The following DPH6 variants were observed in gnomAD, a reference collection of about 807,000 sequenced individuals.
The protein encoded by DPH6 is diphthamine biosynthesis 6, also known as diphthine--ammonia ligase.
DPH6 carries 33 observed loss-of-function variants against 38.2 expected under a neutral mutation model. That is an observed-to-expected ratio of 0.86 (90% CI 0.65 to 1.15). The LOEUF is 1.15. Ranked by LOEUF, DPH6 falls within the 50% of genes most tolerant of loss-of-function variation. The pLI is 0.00. For synonymous variants in DPH6, 108 were observed against 103.0 expected, an observed-to-expected ratio of 1.05 and a Z score of -0.30; for missense variants, 325 against 320.0, an observed-to-expected ratio of 1.02 and a Z score of -0.12.
intron 3 of DPH6, among the ~76,000 whole-genome samples, chr15:35,494,742 G>T (rs2054526576): frequency 1.3e-5 from 2 of 151,078 alleles, no homozygotes; most frequent in South Asian, 2.1e-4. Flanking sequence ...TTTCTCCATG[G>T]TTAACACTTA....
downstream of DPH6, among the ~76,000 whole-genome samples, chr15:35,330,290 A>C (rs1006591529): frequency 6.6e-6 from 1 of 152,202 alleles, no homozygotes; most frequent in Non-Finnish European, 1.5e-5. Context: ...AAGCCTACTC[A>C]TGCAGACGCT....
chr15:35,435,421 A>C (rs1190390911), intron 5 of DPH6, among the ~76,000 whole-genome samples: 2 of 152,246 alleles, frequency 1.3e-5, no homozygotes, highest in Non-Finnish European at 2.9e-5. Context: ...GAGGCAGAAA[A>C]GGGAACCTGC....
chr15:35,299,228 C>G (rs1595466892), intron 3 of DPH6: 2 of 1,204,628 alleles, frequency 1.7e-6, no homozygotes, highest in Non-Finnish European at 1.2e-6. Context: ...CTGGCACATG[C>G]GGTGGTGTGT....
chr15:35,516,018 A>G (rs1430850569), intron 3 of DPH6, among the ~76,000 whole-genome samples: 1 of 152,206 alleles, frequency 6.6e-6, no homozygotes, highest in Non-Finnish European at 1.5e-5. Flanking sequence ...TAAGCCCTGG[A>G]AAATATTTAA....
chr15:35,499,825 G>A (rs2054603244), intron 3 of DPH6, among the ~76,000 whole-genome samples: 1 of 152,182 alleles, frequency 6.6e-6, no homozygotes, highest in Non-Finnish European at 1.5e-5. Flanking sequence ...TATCATGCTG[G>A]CAAGCTTCCC....
chr15:35,341,458 T>C (rs998178749), intron 3 of DPH6, among the ~76,000 whole-genome samples: 4 of 152,224 alleles, frequency 2.6e-5, no homozygotes, highest in African/African-American at 9.6e-5. Flanking sequence ...CTGGCATTTT[T>C]AGTTTTCAGT....
At chr15:35,505,724 G>A (rs1171095528) in intron 3 of DPH6, among the ~76,000 whole-genome samples, 1 of 151,994 alleles carries the variant, frequency 6.6e-6, no homozygotes, top group Non-Finnish European at 1.5e-5. Flanking sequence ...GAACACAAAA[G>A]CAACATTAAT....
intron 5 of DPH6, among the ~76,000 whole-genome samples, chr15:35,446,726 G>C (rs2053858854): frequency 6.6e-6 from 1 of 152,054 alleles, no homozygotes; most frequent in Non-Finnish European, 1.5e-5. Flanking sequence ...CAGGGGGTTG[G>C]TGCTCCTAAC....
intron 3 of DPH6, among the ~76,000 whole-genome samples, chr15:35,354,642 T>C (rs949062945): frequency 6.6e-6 from 1 of 152,188 alleles, no homozygotes; most frequent in Non-Finnish European, 1.5e-5. Flanking sequence ...CACTTGATCA[T>C]GGTGGATAAG....
chr15:35,301,589 A>G (rs923679877), intron 3 of DPH6, among the ~76,000 whole-genome samples: 1 of 152,238 alleles, frequency 6.6e-6, no homozygotes, highest in Non-Finnish European at 1.5e-5. Flanking sequence ...ATTAGGTCTT[A>G]TATTAGGGCT....
chr15:35,397,994 C>G (rs2053168291), intron 6 of DPH6, among the ~76,000 whole-genome samples: 1 of 151,790 alleles, frequency 6.6e-6, no homozygotes, highest in Admixed American at 6.6e-5. Context: ...TCCTTCAAGA[C>G]AGGAGAATGG....
At chr15:35,353,855 A>G (rs1243007794) in intron 3 of DPH6, among the ~76,000 whole-genome samples, 1 of 152,180 alleles carries the variant, frequency 6.6e-6, no homozygotes, top group African/African-American at 2.4e-5. Flanking sequence ...CATTGAATCT[A>G]TAAATTACCT....
At chr15:35,505,545 C>T (rs2054683037) in intron 3 of DPH6, among the ~76,000 whole-genome samples, 1 of 152,026 alleles carries the variant, frequency 6.6e-6, no homozygotes, top group Non-Finnish European at 1.5e-5. Context: ...CTCATATCAA[C>T]ATTCTCTGGT....
rs2051688492 is a variant in DPH6 at position 35,253,575 on chromosome 15, AT to A, written n.201-32994del. On this transcript the variant is annotated intron_variant and non_coding_transcript_variant, in intron 3 of 3. Coordinates refer to the DPH6 transcript ENST00000560386. ...GCTATGGGGAACAGATTTGATCGAC[AT>A]TTGATGGTTTCAAAACTCTAAGTAA... Among the ~76,000 whole-genome samples, 3 of 152,344 alleles carry A rather than the reference AT, an allele frequency of 2.0e-5. No homozygotes were observed. In the South Asian group the frequency reaches 6.2e-4, roughly 32 times the overall value.
chr15:35,289,963 G>T (rs2051969227), intron 3 of DPH6, among the ~76,000 whole-genome samples: 1 of 152,088 alleles, frequency 6.6e-6, no homozygotes, highest in Non-Finnish European at 1.5e-5. Flanking sequence ...CTATATTGTA[G>T]GCTCTTTTGG....
chr15:35,229,181 A>C (rs925015152), intron 3 of DPH6, among the ~76,000 whole-genome samples: 3 of 152,008 alleles, frequency 2.0e-5, no homozygotes, highest in Non-Finnish European at 4.4e-5. Context: ...AATTACTCTT[A>C]AATTTGCTGT....
chr15:35,289,600 G>C (rs1213416819), intron 3 of DPH6, among the ~76,000 whole-genome samples: 9 of 152,164 alleles, frequency 5.9e-5, no homozygotes, highest in Admixed American at 3.3e-4. Context: ...AATTGTCATA[G>C]GAATGAGGCA....
chr15:35,381,155 T>C (rs1485120754), intron 7 of DPH6, among the ~76,000 whole-genome samples: 2 of 152,164 alleles, frequency 1.3e-5, no homozygotes, highest in Admixed American at 1.3e-4. Context: ...CTGACAATCT[T>C]TTCCATGATG....
chr15:35,229,964 C>A (rs191118211), intron 3 of DPH6, among the ~76,000 whole-genome samples: 1 of 152,262 alleles, frequency 6.6e-6, no homozygotes, highest in East Asian at 1.9e-4. Flanking sequence ...TGGTCACTAC[C>A]CCTGGGACTG....
Sources: allele counts gnomAD v4.1 joint callset (sites outside exome capture counted in the v4.1 genomes callset), GRCh38; gene constraint gnomAD v4.1.1; transcripts MANE v1.5; gene names NCBI Gene and HGNC (gene_info 2026-07-23, HGNC 2026-07-21).